The following LURAP1L variants were observed in gnomAD, a reference collection of about 807,000 sequenced individuals.
LURAP1L encodes the protein leucine rich adaptor protein 1 like, also known as leucine rich adaptor protein 1-like.
Under a neutral mutation model 13.8 loss-of-function variants are expected in LURAP1L, and 12 were observed. The ratio of observed to expected loss-of-function variants is 0.87; its 90% CI spans 0.56 to 1.41. The LOEUF is 1.41. LURAP1L is among the 40% of genes most tolerant of loss of function. The pLI is 0.00. For missense variants in LURAP1L, 375 were observed against 292.9 expected, an observed-to-expected ratio of 1.28 and a Z score of -2.04; for synonymous variants, 139 against 119.2, an observed-to-expected ratio of 1.17 and a Z score of -1.08.
intron 1 of LURAP1L, among the ~76,000 whole-genome samples, chr9:12,818,236 T>C (rs1477243211): frequency 6.6e-6 from 1 of 152,262 alleles, no homozygotes; most frequent in Admixed American, 6.5e-5. Flanking sequence ...TACTGCTTAA[T>C]AAAACTGAAA....
chr9:12,822,535 G>A lies in LURAP1L; in HGVS notation c.*775G>A, dbSNP rs1819895383. ...TTTAATTGCATTTTGAGATTTTGTT[G>A]GCATTTACTTGTATGTATTTTGTGA... On this transcript the variant is annotated 3_prime_UTR_variant, in exon 2 of 2. Coordinates refer to ENST00000319264, the MANE Select transcript of LURAP1L (RefSeq NM_203403.2). Among the ~76,000 whole-genome samples, 1 of 152,122 alleles carries A rather than the reference G, an allele frequency of 6.6e-6. No individual in the cohort carries two copies. The highest frequency in any genetic ancestry group is 1.9e-4 in the East Asian group (1 of 5,204).
intron 1 of LURAP1L, among the ~76,000 whole-genome samples, chr9:12,783,584 T>C (rs1438929700): frequency 6.6e-6 from 1 of 152,160 alleles, no homozygotes; most frequent in Non-Finnish European, 1.5e-5. Context: ...TATCTTAATG[T>C]GTTGTTGAAT....
In LURAP1L at chr9:12,802,112, A is replaced by C. The variant is rs956248260; in HGVS notation, c.313-19274A>C. Among the ~76,000 whole-genome samples the C allele has an allele frequency of 2.0e-5, 3 of 151,992 alleles. No homozygotes were observed. The East Asian group carries it at 5.8e-4, about 29-fold the overall frequency. ...GTCAGTCTAAGCTGTAGTTTTATCTAATTTCCCTACACAGCCCAAATTAAT... is the reference window on the plus strand; with the variant it reads ...GTCAGTCTAAGCTGTAGTTTTATCTCATTTCCCTACACAGCCCAAATTAAT... On this transcript the variant is annotated intron_variant, in intron 1 of 1. Coordinates refer to ENST00000319264, the MANE Select transcript of LURAP1L (RefSeq NM_203403.2).
chr9:12,791,141 G>T (rs1819435306), intron 1 of LURAP1L, among the ~76,000 whole-genome samples: 1 of 152,074 alleles, frequency 6.6e-6, no homozygotes, highest in Non-Finnish European at 1.5e-5. Flanking sequence ...TATCAGCAGT[G>T]TTCACATAAG....
At chr9:12,781,317 T>C (rs1411019345) in intron 1 of LURAP1L, among the ~76,000 whole-genome samples, 5 of 152,172 alleles carry the variant, frequency 3.3e-5, no homozygotes, top group Non-Finnish European at 7.3e-5. Context: ...TTGACTGTAG[T>C]CACCCTGTTG....
At chr9:12,810,128 T>A (rs1039172633) in intron 1 of LURAP1L, among the ~76,000 whole-genome samples, 1 of 152,180 alleles carries the variant, frequency 6.6e-6, no homozygotes, top group Non-Finnish European at 1.5e-5. Context: ...GAGGTCTGGA[T>A]GTATTTCAGA....
intron 1 of LURAP1L, among the ~76,000 whole-genome samples, chr9:12,800,407 C>T (rs1819569080): frequency 6.6e-6 from 1 of 151,898 alleles, no homozygotes; most frequent in Admixed American, 6.6e-5. Context: ...CATATCAACC[C>T]CAGTCATCTG....
intron 1 of LURAP1L, chr9:12,814,143 AT>A (rs1253352858): frequency 6.6e-6 from 1 of 152,128 alleles, no homozygotes; most frequent in Non-Finnish European, 1.5e-5. Context: ...CTTGTTAAAC[AT>A]TTACTGGCAC....
At chr9:12,811,857 T>C (rs79032506) in intron 1 of LURAP1L, among the ~76,000 whole-genome samples, 1,612 of 152,284 alleles carry the variant, frequency 0.011, 29 homozygotes, top group African/African-American at 0.037. Flanking sequence ...TCGGGGTCTC[T>C]CACAAATCTG....
At chr9:12,798,307 G>A (rs538140387) in intron 1 of LURAP1L, among the ~76,000 whole-genome samples, 1 of 152,232 alleles carries the variant, frequency 6.6e-6, no homozygotes, top group East Asian at 1.9e-4. Context: ...AGTGAGTACT[G>A]TACAATCCTA....
intron 1 of LURAP1L, among the ~76,000 whole-genome samples, chr9:12,813,525 A>T (rs967566680): frequency 3.3e-5 from 5 of 152,192 alleles, no homozygotes; most frequent in Admixed American, 2.0e-4. Flanking sequence ...ATTTAAAAAC[A>T]CTATAAAGCA....
intron 1 of LURAP1L, among the ~76,000 whole-genome samples, chr9:12,784,346 C>G (rs1819319739): frequency 6.6e-6 from 1 of 152,150 alleles, no homozygotes; most frequent in Non-Finnish European, 1.5e-5. Context: ...CTTGGGAAGG[C>G]TTTAAAGAAG....
At chr9:12,813,194 C>G (rs779841467) in intron 1 of LURAP1L, among the ~76,000 whole-genome samples, 3 of 152,052 alleles carry the variant, frequency 2.0e-5, no homozygotes, top group Non-Finnish European at 4.4e-5. Flanking sequence ...GTTAAATTTT[C>G]AGGAGTTTTG....
In LURAP1L at chr9:12,821,692, C is replaced by G. The variant is rs758689943; in HGVS notation, c.619C>G (p.Leu207Val). ...SDLDQFSDSS[L>V]IEDSQALHKR... ...CTTGGACCAATTCAGTGACAGCTCC[C>G]TCATAGAGGACTCACAGGCACTACA... Residue 207 changes from leucine to valine, a missense_variant, in exon 2 of 2, where the codon CTC (leucine) becomes GTC (valine). Physicochemically the swap from Leu to Val is conservative, Grantham distance 32. Coordinates refer to ENST00000319264, the MANE Select transcript of LURAP1L (RefSeq NM_203403.2). 6 of 1,614,020 alleles carry G rather than the reference C, an allele frequency of 3.7e-6. No homozygotes were observed. Among genetic ancestry groups the G allele is most frequent in the Non-Finnish European group, 3.4e-6 (4 of 1,180,038 alleles).
chr9:12,783,460 T>G (rs1312802399), intron 1 of LURAP1L, among the ~76,000 whole-genome samples: 1 of 152,212 alleles, frequency 6.6e-6, no homozygotes, highest in Non-Finnish European at 1.5e-5. Flanking sequence ...ACTGAAATTA[T>G]CATATGGTTT....
At chr9:12,797,209 G>A (rs938776408) in intron 1 of LURAP1L, among the ~76,000 whole-genome samples, 24 of 151,868 alleles carry the variant, frequency 1.6e-4, no homozygotes, top group African/African-American at 5.6e-4. Context: ...CTTTACTTAT[G>A]GAAACTATAC....
chr9:12,788,361 CA>C (rs937152827), intron 1 of LURAP1L, among the ~76,000 whole-genome samples: 1 of 134,626 alleles, frequency 7.4e-6, no homozygotes, highest in Non-Finnish European at 1.7e-5. Flanking sequence ...TAGAAGTATA[CA>C]TTCAAAAACA....
chr9:12,811,488 T>G (rs1477420119), intron 1 of LURAP1L, among the ~76,000 whole-genome samples: 1 of 152,240 alleles, frequency 6.6e-6, no homozygotes, highest in Non-Finnish European at 1.5e-5. Flanking sequence ...TGTCCTCCTG[T>G]AGATGCGAAT....
At chr9:12,776,348 C>G (rs1819183647) in intron 1 of LURAP1L, among the ~76,000 whole-genome samples, 1 of 152,174 alleles carries the variant, frequency 6.6e-6, no homozygotes, top group Non-Finnish European at 1.5e-5. Flanking sequence ...TAGGCACCAG[C>G]CCGTTGAGAG....
Sources: allele counts gnomAD v4.1 joint callset (sites outside exome capture counted in the v4.1 genomes callset), GRCh38; gene constraint gnomAD v4.1.1; transcripts MANE v1.5; gene names NCBI Gene and HGNC (gene_info 2026-07-23, HGNC 2026-07-21).